The following CRYBG3 variants were observed in gnomAD, a reference collection of about 807,000 sequenced individuals.
The protein encoded by CRYBG3 is crystallin beta-gamma domain containing 3.
A neutral mutation model predicts 244.2 loss-of-function variants in CRYBG3; 127 were observed. That is an observed-to-expected ratio of 0.52 (90% CI 0.45 to 0.60). The LOEUF (loss-of-function observed/expected upper bound fraction) is 0.60, where lower values mean the gene tolerates loss of function less well. CRYBG3 is among the 20% of genes least tolerant of loss of function. The pLI is 0.00. For missense variants in CRYBG3, 3,325 were observed against 3,442.5 expected (o/e 0.97, Z 0.85); for synonymous variants, 1,132 against 1,195.8 (o/e 0.95, Z 1.10).
At position 97,877,669 on chromosome 3, in the gene CRYBG3, C is replaced by G. The variant is rs1233866597; in HGVS notation, c.6475C>G (p.His2159Asp). 1 of 1,614,044 alleles carries G rather than the reference C, an allele frequency of 6.2e-7. No homozygotes were observed. Among genetic ancestry groups the G allele is most frequent in the Non-Finnish European group, 8.5e-7 (1 of 1,179,994 alleles). The change falls in exon 4 of 22, where the codon CAT becomes GAT. Residue 2159 changes from histidine (H) to aspartate (D), a missense_variant. Physicochemically the swap from His to Asp is moderately conservative, Grantham distance 81. Around this residue, in one of 4 missense-constraint regions of CRYBG3, gnomAD observed 450 missense variants for 424.1 expected, o/e 1.06. Coordinates refer to ENST00000389622, the MANE Select transcript of CRYBG3 (RefSeq NM_153605.4). Reference sequence around the variant, plus strand: ...AGAGGAGGAGGAGGCAGCAGTATTGCATAAAGGAGATCTGAGAGCTGGAAG... The same window carrying G: ...AGAGGAGGAGGAGGCAGCAGTATTGGATAAAGGAGATCTGAGAGCTGGAAG... The part of the protein sequence containing the change: ...EEEEEEAAVL[H>D]KGDLRAGSGE...
chr3:97,823,827 A>G (rs1180033305), intron 1 of CRYBG3, among the ~76,000 whole-genome samples: 1 of 152,218 alleles, frequency 6.6e-6, no homozygotes, highest in South Asian at 2.1e-4. Flanking sequence ...GGCTCATGTC[A>G]GTAATGGCCT....
intron 17 of CRYBG3, chr3:97,924,232 A>G (rs961649719): frequency 3.0e-6 from 1 of 330,274 alleles, no homozygotes; most frequent in South Asian, 2.3e-5. Context: ...TTCCATGGAA[A>G]AAGATAGTTA....
intron 6 of CRYBG3, among the ~76,000 whole-genome samples, chr3:97,880,654 A>G (rs1164302035): frequency 6.6e-6 from 1 of 152,204 alleles, no homozygotes; most frequent in African/African-American, 2.4e-5. Context: ...CTTAAATCAT[A>G]TGGTGTAATC....
Position 97,942,373 on chromosome 3 carries a change from G to C in CRYBG3, c.8754G>C (p.Gln2918His), listed in dbSNP as rs1382895469. Residue 2918 changes from glutamine (Q) to histidine (H), a missense_variant, in exon 21 of 22, where the codon CAG (glutamine) becomes CAC (histidine). By Grantham distance (24) the Gln-to-His change is conservative (BLOSUM62 0). Transcript: ENST00000389622. ...GGACTGAACATGGGCAATTCAGGCA[G>C]AAGTGGAGACTGAATAAAAATGGAA... Reference protein sequence around the residue: ...ALWTEHGQFRQKWRLNKNGTI... With the variant: ...ALWTEHGQFRHKWRLNKNGTI... The C allele has an allele frequency of 1.2e-6, 2 of 1,611,892 alleles. No individual in the cohort carries two copies. Among genetic ancestry groups the C allele is most frequent in the Non-Finnish European group, 8.5e-7 (1 of 1,178,542 alleles).
At chr3:97,850,225 C>T (rs146321945) in intron 2 of CRYBG3, among the ~76,000 whole-genome samples, 1 of 152,162 alleles carries the variant, frequency 6.6e-6, no homozygotes, top group African/African-American at 2.4e-5. Context: ...GCCCTTCCTT[C>T]ATACGCATAC....
At position 97,872,798 on chromosome 3, in the gene CRYBG3, C is replaced by T. The variant is rs1265857385; in HGVS notation, c.1604C>T (p.Ser535Leu). 1 of 1,535,794 alleles carries T rather than the reference C, an allele frequency of 6.5e-7. No homozygotes were observed. Among genetic ancestry groups the T allele is most frequent in the Non-Finnish European group, 8.7e-7 (1 of 1,146,774 alleles). The change falls in exon 4 of 22, where the codon TCA (serine) becomes TTA (leucine). Residue 535 changes from serine (S) to leucine (L), a missense_variant. This residue lies in a region of CRYBG3 where 1,526 missense variants were observed against 1,443.2 expected (regional missense o/e 1.06). Transcript: ENST00000389622. ...ATCAGGCGAGAAACAGAAAGTGCCT[C>T]AGCTGGTGAATCCATAGCTTCAAGT... ...REIRRETESA[S>L]AGESIASSHV...
intron 15 of CRYBG3, among the ~76,000 whole-genome samples, chr3:97,904,371 C>A (rs2039739943): frequency 6.6e-6 from 1 of 152,050 alleles, no homozygotes; most frequent in African/African-American, 2.4e-5. Context: ...ATTATTTTAA[C>A]CCATCAAATC....
At position 97,873,487 on chromosome 3, in the gene CRYBG3, T is replaced by C. The variant is rs543147070; in HGVS notation, c.2293T>C (p.Ser765Pro). Residue 765 changes from serine (S) to proline (P), a missense_variant, in exon 4 of 22, where the codon TCT becomes CCT. Physicochemically the swap from Ser to Pro is moderately conservative, Grantham distance 74. This residue lies in a region of CRYBG3 where 1,526 missense variants were observed against 1,443.2 expected (regional missense o/e 1.06). Coordinates refer to ENST00000389622, the MANE Select transcript of CRYBG3 (RefSeq NM_153605.4). ...TGGGTTGGAGCTATTGAGCTTTGAC[T>C]CTGGAAACCTCTCTAAGGATTGCAG... Reference protein sequence around the residue: ...LTGLELLSFDSGNLSKDCSSI... With the variant: ...LTGLELLSFDPGNLSKDCSSI... 3 of 1,535,974 alleles carry C rather than the reference T, an allele frequency of 2.0e-6. No homozygotes were observed. The South Asian group carries it at 3.6e-5, about 18-fold the overall frequency.
chr3:97,923,843 G>A (rs939599152), intron 17 of CRYBG3, among the ~76,000 whole-genome samples: 96 of 151,932 alleles, frequency 6.3e-4, no homozygotes, highest in Non-Finnish European at 8.7e-4. Flanking sequence ...TAGGTAAAAG[G>A]ACTCAATATT....
rs1196679050 is a variant in CRYBG3 at position 97,936,775 on chromosome 3, G to A, written c.8382-10G>A. ...GAAGTACACTACTTTTTTCTTTCTT[G>A]TTCTCATAGATGGATAGCTTATGAA... On this transcript the variant is annotated splice_polypyrimidine_tract_variant and intron_variant, in intron 18 of 21. Coordinates refer to ENST00000389622, the MANE Select transcript of CRYBG3 (RefSeq NM_153605.4). The A allele has an allele frequency of 2.5e-6, 4 of 1,602,980 alleles. No individual in the cohort carries two copies. The highest frequency in any genetic ancestry group is 2.7e-5 in the African/African-American group (2 of 74,056).
At chr3:97,893,078 T>A in intron 11 of CRYBG3, 85 bp downstream of exon 11, 1 of 1,162,864 alleles carries the variant, frequency 8.6e-7, no homozygotes, top group South Asian at 1.5e-5. Context: ...CAAAAATGAT[T>A]TGTTTTTAAT....
intron 9 of CRYBG3, among the ~76,000 whole-genome samples, chr3:97,888,657 A>G (rs1420208920): frequency 6.6e-6 from 1 of 152,218 alleles, no homozygotes; most frequent in East Asian, 1.9e-4. Context: ...AGACTGTTCA[A>G]TTAAACATTG....
chr3:97,923,219 A>G (rs535245613), intron 17 of CRYBG3, among the ~76,000 whole-genome samples: 1 of 152,256 alleles, frequency 6.6e-6, no homozygotes, highest in South Asian at 2.1e-4. Flanking sequence ...GGATAGCATT[A>G]GGAGGAATAC....
intron 15 of CRYBG3, among the ~76,000 whole-genome samples, chr3:97,910,325 T>C (rs1017118392): frequency 3.3e-5 from 5 of 152,224 alleles, no homozygotes; most frequent in African/African-American, 9.6e-5. Flanking sequence ...GCCTGGGCAA[T>C]GGCGGGCACC....
chr3:97,917,576 A>G (rs2039941535), intron 17 of CRYBG3, among the ~76,000 whole-genome samples: 1 of 152,114 alleles, frequency 6.6e-6, no homozygotes, highest in African/African-American at 2.4e-5. Flanking sequence ...AAGACACCTC[A>G]ACAGGGGTCC....
chr3:97,858,502 C>T (rs2039099065), intron 2 of CRYBG3, among the ~76,000 whole-genome samples: 1 of 152,000 alleles, frequency 6.6e-6, no homozygotes, highest in Non-Finnish European at 1.5e-5. Context: ...ATCTCTTTTC[C>T]TCCTAGGCTT....
At chr3:97,836,602 T>C (rs1003986269) in intron 1 of CRYBG3, among the ~76,000 whole-genome samples, 24 of 152,054 alleles carry the variant, frequency 1.6e-4, no homozygotes, top group Non-Finnish European at 3.5e-4. Flanking sequence ...TTATAGAACT[T>C]GTCACGTGAG....
chr3:97,874,336 G>A lies in CRYBG3; in HGVS notation c.3142G>A (p.Glu1048Lys), dbSNP rs142452041. The change falls in exon 4 of 22, where the codon GAG (glutamate) becomes AAG (lysine). Residue 1048 changes from glutamate to lysine, a missense_variant. Transcript: ENST00000389622. ...GAAATCCTCATCTTACAGAAAGAAAGAGAACATCCATTTTTTAAATGGTGG... is the reference window on the plus strand; with the variant it reads ...GAAATCCTCATCTTACAGAAAGAAAAAGAACATCCATTTTTTAAATGGTGG... ...EKKSSSYRKKENIHFLNGGID... is the reference protein window; with the variant it reads ...EKKSSSYRKKKNIHFLNGGID... The A allele has an allele frequency of 3.9e-6, 6 of 1,527,072 alleles. No individual in the cohort carries two copies. In the African/African-American group the frequency reaches 8.3e-5, roughly 21 times the overall value. 94.6% of individuals were successfully genotyped at this position (1,527,072 alleles called of 1,614,324 possible).
intron 1 of CRYBG3, among the ~76,000 whole-genome samples, chr3:97,824,696 C>T (rs764600864): frequency 1.3e-5 from 2 of 152,132 alleles, no homozygotes; most frequent in Non-Finnish European, 2.9e-5. Context: ...TATTGTATAT[C>T]CCAACTTAGG....
Sources: gnomAD v4.1 joint callset for allele counts (sites outside exome capture counted in the v4.1 genomes callset) on GRCh38, gnomAD v4.1.1 for gene constraint, gnomAD v4.1.1 regional missense constraint, MANE v1.5 for transcripts, NCBI Gene and HGNC (gene_info 2026-07-23, HGNC 2026-07-21) for gene names.